Variants in ZNF704 observed in about 807,000 individuals in gnomAD.
ZNF704 encodes zinc finger protein 704.
Under a neutral mutation model 44.7 loss-of-function variants are expected in ZNF704, and 10 were observed. That is an observed-to-expected ratio of 0.22 (90% CI 0.14 to 0.38). ZNF704 has a LOEUF of 0.38. Among genes scored for constraint, ZNF704 ranks in the 10% least tolerant of loss-of-function variants. ZNF704 has a pLI of 1.00. For missense variants in ZNF704, 390 were observed against 545.5 expected (o/e 0.71, Z 2.84); for synonymous variants, 211 against 207.6 (o/e 1.02, Z -0.14).
intron 2 of ZNF704, among the ~76,000 whole-genome samples, chr8:80,699,370 G>T (rs143801979): frequency 6.6e-6 from 1 of 151,784 alleles, no homozygotes; most frequent in East Asian, 1.9e-4. Flanking sequence ...AAGACTATAG[G>T]GAAGTCAGTA....
At chr8:80,647,822 G>C (rs555137929) in intron 7 of ZNF704, among the ~76,000 whole-genome samples, 1 of 152,340 alleles carries the variant, frequency 6.6e-6, no homozygotes, top group South Asian at 2.1e-4. Context: ...GCAGGGTCGG[G>C]GAGGCATGAG....
intron 2 of ZNF704, among the ~76,000 whole-genome samples, chr8:80,734,767 G>A (rs932318100): frequency 6.6e-6 from 1 of 152,128 alleles, no homozygotes; most frequent in Admixed American, 6.5e-5. Context: ...AGATTCAAAT[G>A]TTCAAAGTAG....
chr8:80,772,168 T>C (rs1162997447), intron 2 of ZNF704, among the ~76,000 whole-genome samples: 1 of 152,244 alleles, frequency 6.6e-6, no homozygotes, highest in Non-Finnish European at 1.5e-5. Context: ...GATATTTCTC[T>C]GTATTCTTAT....
intron 2 of ZNF704, among the ~76,000 whole-genome samples, chr8:80,764,142 C>T (rs1235521599): frequency 6.6e-6 from 1 of 152,178 alleles, no homozygotes; most frequent in Admixed American, 6.5e-5. Context: ...GTTGCTTCTA[C>T]ATTTTTGGGT....
chr8:80,779,348 T>C (rs1396115401), intron 2 of ZNF704, among the ~76,000 whole-genome samples: 1 of 152,166 alleles, frequency 6.6e-6, no homozygotes, highest in Non-Finnish European at 1.5e-5. Flanking sequence ...TTTAAGTGAT[T>C]CTCTTGCCTC....
At position 80,628,819 on chromosome 8, in the gene ZNF704, C is replaced by CAG. The variant is rs1817542308; in HGVS notation, c.*12545_*12546dup. The CAG allele has an allele frequency of 6.6e-6, 1 of 152,196 alleles. No homozygotes were observed. Among genetic ancestry groups the CAG allele is most frequent in the Admixed American group, 6.5e-5 (1 of 15,280 alleles). The allele number at this position is 152,196 out of a possible 1,614,324, so 9.4% of individuals were successfully genotyped here. ...TAGCAAATCCTTAACTCTGGGGGGA[C>CAG]AGAGCCACTTCTGCATTTTACACTT... On this transcript the variant is annotated 3_prime_UTR_variant, in exon 9 of 9. Coordinates refer to ENST00000327835, the MANE Select transcript of ZNF704 (RefSeq NM_001033723.3).
intron 2 of ZNF704, among the ~76,000 whole-genome samples, chr8:80,746,004 C>T (rs1366058381): frequency 6.6e-6 from 1 of 152,188 alleles, no homozygotes; most frequent in Non-Finnish European, 1.5e-5. Flanking sequence ...ACAACTCAGA[C>T]TTTCTCATGA....
At chr8:80,669,100 T>C (rs1250263776) in intron 5 of ZNF704, among the ~76,000 whole-genome samples, 1 of 152,194 alleles carries the variant, frequency 6.6e-6, no homozygotes, top group Non-Finnish European at 1.5e-5. Flanking sequence ...GTGATACCAA[T>C]TCCAGGGTCT....
intron 2 of ZNF704, among the ~76,000 whole-genome samples, chr8:80,791,121 T>A (rs942705125): frequency 8.6e-5 from 13 of 152,018 alleles, no homozygotes; most frequent in Non-Finnish European, 1.5e-4. Context: ...TTATCAAGAG[T>A]AAGAAAATGA....
At chr8:80,686,548 AT>A (rs11335785) in intron 4 of ZNF704, among the ~76,000 whole-genome samples, 15,621 of 149,850 alleles carry the variant, frequency 0.1, 2,714 homozygotes, top group African/African-American at 0.36. Flanking sequence ...CACTGAGCTA[AT>A]TTTTTTTTTA....
At chr8:80,793,546 T>A (rs1807748796) in intron 2 of ZNF704, among the ~76,000 whole-genome samples, 1 of 151,996 alleles carries the variant, frequency 6.6e-6, no homozygotes, top group African/African-American at 2.4e-5. Context: ...TTTAGAAAAG[T>A]AAGCTGTTTA....
chr8:80,877,182 TG>T (rs1809366138), upstream of ZNF704, among the ~76,000 whole-genome samples: 2 of 68,406 alleles, frequency 2.9e-5, no homozygotes, highest in Non-Finnish European at 5.3e-5. Flanking sequence ...TGCCTCTGAA[TG>T]GGAAAAAAAA....
intron 1 of ZNF704, among the ~76,000 whole-genome samples, chr8:80,827,158 T>C (rs1005798947): frequency 6.6e-6 from 1 of 152,162 alleles, no homozygotes; most frequent in African/African-American, 2.4e-5. Context: ...GATGACATCA[T>C]TGTATATTTA....
chr8:80,693,277 G>A (rs1818670551), intron 2 of ZNF704, among the ~76,000 whole-genome samples, 170 bp from the exon 3 acceptor site: 1 of 152,200 alleles, frequency 6.6e-6, no homozygotes, highest in African/African-American at 2.4e-5. Context: ...GAAGTGAAGT[G>A]TTTCAGTCAA....
intron 1 of ZNF704, among the ~76,000 whole-genome samples, chr8:80,844,833 A>AT (rs542814773): frequency 3.0e-5 from 4 of 133,316 alleles, no homozygotes; most frequent in Non-Finnish European, 6.8e-5. Context: ...TTCTCTTTTT[A>AT]TTTATTTATT....
chr8:80,796,176 G>A (rs1292867596), intron 2 of ZNF704, among the ~76,000 whole-genome samples: 1 of 152,232 alleles, frequency 6.6e-6, no homozygotes, highest in African/African-American at 2.4e-5. Context: ...TGTAGAGGCT[G>A]AGAAGTCTAA....
intron 2 of ZNF704, among the ~76,000 whole-genome samples, chr8:80,711,891 T>C (rs1436876316): frequency 6.6e-6 from 1 of 152,190 alleles, no homozygotes; most frequent in East Asian, 1.9e-4. Context: ...AACTATAGTA[T>C]CTAGCAGGAC....
intron 2 of ZNF704, among the ~76,000 whole-genome samples, chr8:80,772,149 G>A (rs1034272680): frequency 6.6e-6 from 1 of 152,086 alleles, no homozygotes; most frequent in Non-Finnish European, 1.5e-5. Context: ...TGAATCTGTA[G>A]CCATAAGGGA....
chr8:80,699,258 TTAAATA>T (rs1332013508), intron 2 of ZNF704, among the ~76,000 whole-genome samples: 1 of 152,170 alleles, frequency 6.6e-6, no homozygotes, highest in African/African-American at 2.4e-5. Flanking sequence ...TCAGTAACTA[TTAAATA>T]TAAAGCACAA....
Sources: gnomAD v4.1 joint callset for allele counts (sites outside exome capture counted in the v4.1 genomes callset) on GRCh38, gnomAD v4.1.1 for gene constraint, MANE v1.5 for transcripts, NCBI Gene and HGNC (gene_info 2026-07-23, HGNC 2026-07-21) for gene names.